FAP: variants seen among roughly 807,000 people sequenced by gnomAD.
FAP encodes prolyl endopeptidase FAP.
Under a neutral mutation model 126.5 loss-of-function variants are expected in FAP, and 110 were observed. That is an observed-to-expected ratio of 0.87 (90% CI 0.74 to 1.02). The LOEUF is 1.02. FAP is among the 50% of genes least tolerant of loss of function. The pLI is 0.00. For missense variants in FAP, 919 were observed against 909.2 expected (o/e 1.01, Z -0.14); for synonymous variants, 334 against 297.3 (o/e 1.12, Z -1.27).
chr2:162,208,109 A>G, intron 12 of FAP, among the ~76,000 whole-genome samples: 1 of 151,842 alleles, frequency 6.6e-6, no homozygotes, highest in East Asian at 2.0e-4. Context: ...TACAAAAATT[A>G]GCTGGGCGTG....
chr2:162,180,277 A>T (rs1687651931), intron 21 of FAP, among the ~76,000 whole-genome samples: 2 of 152,202 alleles, frequency 1.3e-5, no homozygotes, highest in African/African-American at 4.8e-5. Flanking sequence ...ACACAGTAAA[A>T]ATTGTTTTGG....
chr2:162,171,121 A>T, intron 25 of FAP, 41 bp from the exon 26 acceptor site: 6 of 1,516,600 alleles, frequency 4.0e-6, no homozygotes, highest in Non-Finnish European at 5.5e-6. Context: ...TCCTGCAGTC[A>T]TCAAATGCAT....
chr2:162,189,593 T>A, intron 18 of FAP, 63 bp downstream of exon 18: 1 of 919,624 alleles, frequency 1.1e-6, no homozygotes, highest in South Asian at 1.5e-5. Context: ...TCTATGCTTT[T>A]TTAAAAGCAA....
In FAP at chr2:162,225,520, G is replaced by C; in HGVS notation, c.248C>G (p.Thr83Arg). The C allele has an allele frequency of 6.2e-7, 1 of 1,600,348 alleles. No individual in the cohort carries two copies. The highest frequency in any genetic ancestry group is 8.5e-7 in the Non-Finnish European group (1 of 1,172,282). ...DNNIVLYNIE[T>R]GQSYTILSNR... ...ACTCAAAATGGTATATGATTGTCCT[G>C]TTTCAATATTATAAAGTACTATATT... Residue 83 changes from threonine to arginine, a missense_variant, in exon 4 of 26, where the codon ACA (threonine) becomes AGA (arginine). Coordinates refer to ENST00000188790, the MANE Select transcript of FAP (RefSeq NM_004460.5).
At chr2:162,174,612 C>T (rs990264906) in intron 22 of FAP, among the ~76,000 whole-genome samples, 8 of 152,060 alleles carry the variant, frequency 5.3e-5, no homozygotes, top group African/African-American at 1.4e-4. Context: ...AGATTTGGTT[C>T]GGCAGGGGCT....
chr2:162,172,467 C>T (rs1256321706), intron 25 of FAP: 5 of 193,488 alleles, frequency 2.6e-5, no homozygotes, highest in East Asian at 1.2e-4. Context: ...AATCTTCTAG[C>T]TGTTTAAGGA....
intron 2 of FAP, among the ~76,000 whole-genome samples, chr2:162,228,502 A>G (rs1357529330): frequency 6.6e-6 from 1 of 152,152 alleles, no homozygotes; most frequent in East Asian, 1.9e-4. Flanking sequence ...GATTAGGACC[A>G]TGAGTTTATT....
At chr2:162,198,235 C>G (rs1688338819) in intron 16 of FAP, 1 of 1,289,588 alleles carries the variant, frequency 7.8e-7, no homozygotes, top group Non-Finnish European at 1.0e-6. Context: ...ATTGAAACTA[C>G]AGTTTGAGGA....
At position 162,216,039 on chromosome 2, in the gene FAP, C is replaced by T; in HGVS notation, c.763-38G>A. 1.4e-6 allele frequency: 2 copies of T among 1,395,782 alleles called. 1 individual carries two copies. The highest frequency in any genetic ancestry group is 2.0e-6 in the Non-Finnish European group (2 of 991,512). 86.5% of individuals were successfully genotyped at this position (1,395,782 alleles called of 1,614,324 possible). On this transcript the variant is annotated intron_variant, in intron 9 of 25. Transcript: ENST00000188790. ...TTGAGATATATAAGCTCATAAAATT[C>T]CAATTATCACCAACATTTTAAAGAA...
At chr2:162,239,615 T>A (rs1690269312) in intron 2 of FAP, among the ~76,000 whole-genome samples, 1 of 152,192 alleles carries the variant, frequency 6.6e-6, no homozygotes, top group Admixed American at 6.5e-5. Flanking sequence ...ATGGAATAGT[T>A]GCTATTGTTG....
In FAP at chr2:162,173,653, A is replaced by C. The variant is rs556594697; in HGVS notation, c.2034+70T>G. ...CCCAGAATTAAAACTGTAAATTCTGAACTACTGCTTTTAAGTTATTTAGCA... is the reference window on the plus strand; with the variant it reads ...CCCAGAATTAAAACTGTAAATTCTGCACTACTGCTTTTAAGTTATTTAGCA... On this transcript the variant is annotated intron_variant, in intron 23 of 25. Transcript: ENST00000188790. 18 of 1,055,868 alleles carry C rather than the reference A, an allele frequency of 1.7e-5. No individual in the cohort carries two copies. In the African/African-American group the frequency reaches 2.4e-4, roughly 14 times the overall value. 65.4% of individuals were successfully genotyped at this position (1,055,868 alleles called of 1,614,324 possible). A position where few individuals can be genotyped will look rare whatever the true frequency, so the allele number is the denominator to read the frequency against.
chr2:162,225,629 A>T (rs748978026), intron 3 of FAP, 52 bp from the exon 4 acceptor site: 1 of 1,500,008 alleles, frequency 6.7e-7, no homozygotes, highest in Non-Finnish European at 8.9e-7. Context: ...AACATGAAAT[A>T]CATTCCTAAC....
intron 21 of FAP, among the ~76,000 whole-genome samples, chr2:162,178,124 A>G (rs908973982): frequency 6.6e-5 from 10 of 152,174 alleles, no homozygotes; most frequent in African/African-American, 2.4e-4. Context: ...CTACTTTTAC[A>G]TCGTTGATCA....
At chr2:162,173,384 T>G (rs958472276) in intron 23 of FAP, among the ~76,000 whole-genome samples, 163 bp from the exon 24 acceptor site, 1 of 152,114 alleles carries the variant, frequency 6.6e-6, no homozygotes, top group Non-Finnish European at 1.5e-5. Context: ...TCATTTGCAT[T>G]ACTTCCATCT....
chr2:162,185,208 T>C (rs954591947), intron 20 of FAP, among the ~76,000 whole-genome samples: 11 of 152,186 alleles, frequency 7.2e-5, no homozygotes, highest in South Asian at 2.1e-4. Flanking sequence ...GGAGTCTGGA[T>C]TGAACTTTAT....
rs1410844875 is a variant in FAP at position 162,172,864 on chromosome 2, A to G, written c.2128T>C (p.Ser710Pro). 6.2e-7 allele frequency: 1 copy of G among 1,612,616 alleles called. No individual in the cohort carries two copies. The highest frequency in any genetic ancestry group is 8.5e-7 in the Non-Finnish European group (1 of 1,179,020). ...ACCAGAGCTTTAGCAATCTGTGCTGAGTTTTGAAAGTGCACATTATCTGCA... is the reference window on the plus strand; with the variant it reads ...ACCAGAGCTTTAGCAATCTGTGCTGGGTTTTGAAAGTGCACATTATCTGCA... ...TADDNVHFQN[S>P]AQIAKALVNA... The change falls in exon 25 of 26, where the codon TCA (serine) becomes CCA (proline). Residue 710 changes from serine (S) to proline (P), a missense_variant. Ser to Pro is a moderately conservative substitution (Grantham distance 74). Transcript: ENST00000188790.
chr2:162,178,307 A>T (rs1189415885), intron 21 of FAP, among the ~76,000 whole-genome samples: 4 of 152,192 alleles, frequency 2.6e-5, no homozygotes, highest in African/African-American at 9.6e-5. Flanking sequence ...CTGCTCTTCA[A>T]TTGTCAGAAT....
At chr2:162,239,342 T>C (rs1012511906) in intron 2 of FAP, among the ~76,000 whole-genome samples, 1 of 152,064 alleles carries the variant, frequency 6.6e-6, no homozygotes. Flanking sequence ...CACCCACCCT[T>C]TCCTTTTTTA....
At chr2:162,196,588 G>C (rs959490073) in intron 16 of FAP, among the ~76,000 whole-genome samples, 9 of 151,368 alleles carry the variant, frequency 5.9e-5, no homozygotes, top group African/African-American at 1.9e-4. Context: ...CTGGATGAAG[G>C]TGTGATCCTA....
Sources: allele counts gnomAD v4.1 joint callset (sites outside exome capture counted in the v4.1 genomes callset), GRCh38; gene constraint gnomAD v4.1.1; transcripts MANE v1.5; gene names NCBI Gene and HGNC (gene_info 2026-07-23, HGNC 2026-07-21).